Variants in SORCS2 observed in about 807,000 individuals in gnomAD.
The protein encoded by SORCS2 is VPS10 domain-containing receptor SorCS2.
In SORCS2, 100 loss-of-function variants were observed where a neutral mutation model predicts 141.6. The ratio of observed to expected loss-of-function variants is 0.71; its 90% CI spans 0.60 to 0.83. The LOEUF (loss-of-function observed/expected upper bound fraction) is 0.83. Ranked by LOEUF, SORCS2 falls within the 40% of genes least tolerant of loss-of-function variation. The pLI, the probability that SORCS2 is intolerant of heterozygous loss-of-function variation, is 0.00. For synonymous variants in SORCS2, 789 were observed against 676.9 expected (o/e 1.17, Z -2.57); for missense variants, 1,646 against 1,560.2 (o/e 1.05, Z -0.93).
In SORCS2 at chr4:7,201,263, A is replaced by G. The variant is rs1022409129; in HGVS notation, c.480+8137A>G. 6.6e-6 allele frequency among the ~76,000 whole-genome samples: 1 copy of G among 152,244 alleles called. No homozygotes were observed. The highest frequency in any genetic ancestry group is 1.5e-5 in the Non-Finnish European group (1 of 68,044). ...AGCAGCCTGGAGCGCTCATGGGCAC[A>G]GGAGAGACTCGTGCGTTGATCAAGA... is the stretch of plus-strand genomic sequence containing the variant. On this transcript the variant is annotated intron_variant, in intron 1 of 26. Coordinates refer to ENST00000507866, the MANE Select transcript of SORCS2 (RefSeq NM_020777.3). This position sits in a 1 kb window ranked among gnomAD's most constrained non-coding sequence, Gnocchi z 4.4.
intron 3 of SORCS2, among the ~76,000 whole-genome samples, chr4:7,583,424 A>G (rs1187713817): frequency 1.3e-5 from 2 of 152,202 alleles, no homozygotes; most frequent in African/African-American, 4.8e-5. Flanking sequence ...ACCACCTCGT[A>G]ATAATAAAGT....
chr4:7,221,147 A>C (rs1243308904), intron 1 of SORCS2, among the ~76,000 whole-genome samples: 2 of 152,192 alleles, frequency 1.3e-5, no homozygotes, highest in Non-Finnish European at 2.9e-5. Context: ...GTGGGTTGAC[A>C]AGATGTCCCC....
chr4:7,621,870 C>A (rs1220787116), intron 3 of SORCS2, among the ~76,000 whole-genome samples: 1 of 152,210 alleles, frequency 6.6e-6, no homozygotes, highest in Non-Finnish European at 1.5e-5. Context: ...GGGGCGGTGT[C>A]CAGCCTGGCG....
Position 7,218,031 on chromosome 4 carries a change from C to T in SORCS2, c.480+24905C>T, listed in dbSNP as rs753401845. On this transcript the variant is annotated intron_variant, in intron 1 of 26. Coordinates refer to ENST00000507866, the MANE Select transcript of SORCS2 (RefSeq NM_020777.3). Reference sequence around the variant, plus strand: ...GGCCGGGCTTCCCCAGGTATGCTGGCGGGGGGTGCTCTTCATGCATGTGCG... The same window carrying T: ...GGCCGGGCTTCCCCAGGTATGCTGGTGGGGGGTGCTCTTCATGCATGTGCG... 6.6e-5 allele frequency among the ~76,000 whole-genome samples: 10 copies of T among 152,120 alleles called. No individual in the cohort carries two copies. In the East Asian group the frequency reaches 9.7e-4, roughly 15 times the overall value.
At chr4:7,481,810 C>A (rs953709334) in intron 2 of SORCS2, among the ~76,000 whole-genome samples, 3 of 152,100 alleles carry the variant, frequency 2.0e-5, no homozygotes, top group Non-Finnish European at 2.9e-5. Context: ...AGGGTGTGCC[C>A]AGCAACGAGA....
chr4:7,526,684 G>C (rs185602254), intron 2 of SORCS2, among the ~76,000 whole-genome samples: 1 of 152,138 alleles, frequency 6.6e-6, no homozygotes, highest in Non-Finnish European at 1.5e-5. Flanking sequence ...GTAATGTCGC[G>C]TCAGGGCGGC....
At chr4:7,717,327 C>T (rs1469389749) in intron 17 of SORCS2, among the ~76,000 whole-genome samples, 1 of 152,212 alleles carries the variant, frequency 6.6e-6, no homozygotes, top group Non-Finnish European at 1.5e-5. Context: ...CCCCAGCCAG[C>T]GCCATCACAG....
intron 1 of SORCS2, among the ~76,000 whole-genome samples, chr4:7,330,569 C>T (rs1719591893): frequency 6.6e-6 from 1 of 151,570 alleles, no homozygotes; most frequent in African/African-American, 2.4e-5. Context: ...TCTCCTGGCT[C>T]CTTCTGCTTG....
intron 2 of SORCS2, among the ~76,000 whole-genome samples, chr4:7,448,780 A>G (rs1291701720): frequency 9.9e-5 from 1 of 10,104 alleles, no homozygotes; most frequent in African/African-American, 4.9e-4. Context: ...TCTCCCCTCC[A>G]TCCCGCCCTC....
chr4:7,356,935 G>T (rs559197706), intron 1 of SORCS2, among the ~76,000 whole-genome samples: 5 of 152,362 alleles, frequency 3.3e-5, no homozygotes, highest in Non-Finnish European at 1.5e-5. Flanking sequence ...GAAACAATGT[G>T]CTGAGTGCTT....
chr4:7,332,963 A>T (rs926504923), intron 1 of SORCS2, among the ~76,000 whole-genome samples: 1 of 107,162 alleles, frequency 9.3e-6, no homozygotes, highest in Non-Finnish European at 2.3e-5. Flanking sequence ...ATATTTACCC[A>T]GCGGAGTTTT....
chr4:7,680,587 G>C (rs1455453986), intron 9 of SORCS2, among the ~76,000 whole-genome samples: 1 of 152,256 alleles, frequency 6.6e-6, no homozygotes, highest in Non-Finnish European at 1.5e-5. Context: ...CTTCTGCAGA[G>C]AGGAAGGCTA....
At chr4:7,638,217 C>T (rs1720396790) in intron 3 of SORCS2, 111 bp from the exon 4 acceptor site, 2 of 1,322,194 alleles carry the variant, frequency 1.5e-6, no homozygotes, top group Non-Finnish European at 2.0e-6. Flanking sequence ...TCACAACCCC[C>T]TTTCTGGTGT....
intron 3 of SORCS2, among the ~76,000 whole-genome samples, chr4:7,583,188 A>G (rs927890484): frequency 6.6e-6 from 1 of 152,130 alleles, no homozygotes; most frequent in African/African-American, 2.4e-5. Flanking sequence ...TTCTGACCCC[A>G]TTTCAGGTGC....
At chr4:7,643,392 T>C (rs60372111) in intron 4 of SORCS2, among the ~76,000 whole-genome samples, 14,236 of 152,284 alleles carry the variant, frequency 0.093, 808 homozygotes, top group Middle Eastern at 0.17. Flanking sequence ...GGCAGAACCC[T>C]GGGCACTTAC....
chr4:7,374,405 C>A (rs574343438), intron 1 of SORCS2, among the ~76,000 whole-genome samples: 3 of 152,050 alleles, frequency 2.0e-5, no homozygotes, highest in Non-Finnish European at 4.4e-5. Flanking sequence ...CTGAAAGTGG[C>A]GTGCTCACAT....
intron 1 of SORCS2, among the ~76,000 whole-genome samples, chr4:7,364,700 G>T (rs1721778755): frequency 6.6e-6 from 1 of 152,182 alleles, no homozygotes; most frequent in Non-Finnish European, 1.5e-5. Flanking sequence ...CTTGGCAGGT[G>T]CTAGGAGCTG....
chr4:7,722,734 A>G (rs191309643), intron 18 of SORCS2, among the ~76,000 whole-genome samples: 1 of 152,376 alleles, frequency 6.6e-6, no homozygotes, highest in East Asian at 1.9e-4. Flanking sequence ...GGTTCCCGGT[A>G]GACGTGAATT....
chr4:7,741,555 C>G lies in SORCS2; in HGVS notation c.*1291C>G, dbSNP rs945409726. The G allele has an allele frequency of 3.3e-6, 1 of 304,962 alleles. No individual in the cohort carries two copies. Among genetic ancestry groups the G allele is most frequent in the Non-Finnish European group, 6.0e-6 (1 of 167,704 alleles). The allele number at this position is 304,962 out of a possible 1,614,324, so 18.9% of individuals were successfully genotyped here. A position where few individuals can be genotyped will look rare whatever the true frequency, so the allele number is the denominator to read the frequency against. ...GGGATCTCAGATGACCGTGGCCTCC[C>G]TCTCAGAGGGGGAGAACGCCAGAGC... is the stretch of plus-strand genomic sequence containing the variant. On this transcript the variant is annotated 3_prime_UTR_variant, in exon 27 of 27. Transcript: ENST00000507866.
Sources: gnomAD v4.1 joint callset for allele counts (sites outside exome capture counted in the v4.1 genomes callset) on GRCh38, gnomAD v4.1.1 for gene constraint, Gnocchi (gnomAD v3.1) non-coding constraint, MANE v1.5 for transcripts, NCBI Gene and HGNC (gene_info 2026-07-23, HGNC 2026-07-21) for gene names.